Variants in ARHGAP31 observed in about 807,000 individuals in gnomAD.
ARHGAP31 encodes the protein rho GTPase-activating protein 31.
In ARHGAP31, 34 loss-of-function variants were observed where a neutral mutation model predicts 113.9. The ratio of observed to expected loss-of-function variants is 0.30; its 90% confidence interval spans 0.23 to 0.40. ARHGAP31 has a LOEUF of 0.40. ARHGAP31 is among the 10% of genes least tolerant of loss of function. The pLI is 1.00. For missense variants in ARHGAP31, 1,548 were observed against 1,767.1 expected, an observed-to-expected ratio of 0.88 and a Z score of 2.22; for synonymous variants, 650 against 684.8, an observed-to-expected ratio of 0.95 and a Z score of 0.79.
intron 1 of ARHGAP31, among the ~76,000 whole-genome samples, chr3:119,348,234 A>G (rs899642333): frequency 6.6e-6 from 1 of 152,258 alleles, no homozygotes; most frequent in African/African-American, 2.4e-5. Flanking sequence ...ACATGTAATA[A>G]CATATACATA....
chr3:119,325,151 T>C (rs925216317), intron 1 of ARHGAP31, among the ~76,000 whole-genome samples: 5 of 152,210 alleles, frequency 3.3e-5, no homozygotes, highest in Non-Finnish European at 7.4e-5. Flanking sequence ...AACTGTTGAA[T>C]CATACCTACC....
chr3:119,336,167 C>T (rs879624959), intron 1 of ARHGAP31, among the ~76,000 whole-genome samples: 3 of 152,148 alleles, frequency 2.0e-5, no homozygotes, highest in Non-Finnish European at 4.4e-5. Flanking sequence ...AAGAGTGAAA[C>T]TTGGTCTCAA....
In ARHGAP31 at chr3:119,383,233, A is replaced by T. The variant is rs772651005; in HGVS notation, c.682+7A>T. 25 of 1,613,434 alleles carry T rather than the reference A, an allele frequency of 1.5e-5. No homozygotes were observed. In the East Asian group the frequency reaches 4.5e-4, roughly 29 times the overall value. Reference sequence around the variant, plus strand: ...GGGTCTCTGGAGAATGATGGTAAGGACTCCTCCTAGCATACACTCCACCAG... The same window carrying T: ...GGGTCTCTGGAGAATGATGGTAAGGTCTCCTCCTAGCATACACTCCACCAG... On this transcript the variant is annotated splice_region_variant and intron_variant, in intron 6 of 11. Transcript: ENST00000264245.
At chr3:119,327,208 T>C (rs79252506) in intron 1 of ARHGAP31, among the ~76,000 whole-genome samples, 9,198 of 152,140 alleles carry the variant, frequency 0.06, 300 homozygotes, top group Middle Eastern at 0.071. Context: ...GGGACTCCCT[T>C]TATTTAAATA....
chr3:119,338,895 G>T (rs2079983084), intron 1 of ARHGAP31, among the ~76,000 whole-genome samples: 1 of 152,168 alleles, frequency 6.6e-6, no homozygotes, highest in African/African-American at 2.4e-5. Flanking sequence ...GTTATTTAGG[G>T]AATATTTCTT....
chr3:119,416,067 A>T lies in ARHGAP31; in HGVS notation c.4138A>T (p.Thr1380Ser). The T allele has an allele frequency of 6.2e-7, 1 of 1,614,100 alleles. No homozygotes were observed. Among genetic ancestry groups the T allele is most frequent in the Non-Finnish European group, 8.5e-7 (1 of 1,180,006 alleles). ...CCTGCTGTCCCCTATCAGAAGTCCC[A>T]CCCAGACAGTTTCCCCTGGCCTTCT... The part of the protein sequence containing the change: ...KVLLSPIRSP[T>S]QTVSPGLLCG... The change falls in exon 12 of 12, where the codon ACC (threonine) becomes TCC (serine). Residue 1380 changes from threonine to serine, a missense_variant. By Grantham distance (58) the Thr-to-Ser change is moderately conservative. Coordinates refer to ENST00000264245, the MANE Select transcript of ARHGAP31 (RefSeq NM_020754.4).
intron 1 of ARHGAP31, among the ~76,000 whole-genome samples, chr3:119,328,101 T>TA (rs943344704): frequency 3.3e-5 from 5 of 152,128 alleles, no homozygotes; most frequent in African/African-American, 1.2e-4. Flanking sequence ...AAATCAGATT[T>TA]AAAAAAAATT....
chr3:119,341,533 G>A (rs780361931), intron 1 of ARHGAP31, among the ~76,000 whole-genome samples: 8 of 152,156 alleles, frequency 5.3e-5, no homozygotes, highest in Admixed American at 4.6e-4. Flanking sequence ...TAGCTTGTAA[G>A]AAGAAAATCT....
intron 3 of ARHGAP31, among the ~76,000 whole-genome samples, chr3:119,379,260 G>A (rs2080375194): frequency 4.6e-5 from 7 of 152,158 alleles, no homozygotes; most frequent in Admixed American, 4.6e-4. Flanking sequence ...ATAAATAAGT[G>A]CATTCTTGTA....
At chr3:119,300,406 G>A (rs2079570918) in intron 1 of ARHGAP31, among the ~76,000 whole-genome samples, 1 of 152,188 alleles carries the variant, frequency 6.6e-6, no homozygotes, top group Non-Finnish European at 1.5e-5. Context: ...CAAGAAGCAA[G>A]TTGCTTGCCC....
rs1469289204 is a variant in ARHGAP31 at position 119,375,628 on chromosome 3, TAAC to T, written c.349-5268_349-5266del. Reference sequence around the variant, plus strand: ...ACTGTATTTCATTTTTATCAGAAAATAACAACAACATTTATTTTAGGAAAAATT... The same window carrying T: ...ACTGTATTTCATTTTTATCAGAAAATAACAACATTTATTTTAGGAAAAATT... On this transcript the variant is annotated intron_variant, in intron 3 of 11. Transcript: ENST00000264245. Among the ~76,000 whole-genome samples the T allele has an allele frequency of 5.3e-5, 8 of 152,294 alleles. No individual in the cohort carries two copies. The East Asian group carries it at 5.8e-4, about 11-fold the overall frequency.
At chr3:119,393,397 G>T in intron 7 of ARHGAP31, 70 bp from the exon 8 acceptor site, 1 of 1,568,420 alleles carries the variant, frequency 6.4e-7, no homozygotes, top group Non-Finnish European at 8.8e-7. Flanking sequence ...TGGAATATTT[G>T]GTCTCAATTT....
Position 119,414,588 on chromosome 3 carries a change from G to A in ARHGAP31, c.2659G>A (p.Asp887Asn). 1 of 1,614,256 alleles carries A rather than the reference G, an allele frequency of 6.2e-7. No individual in the cohort carries two copies. The highest frequency in any genetic ancestry group is 1.1e-5 in the South Asian group (1 of 91,084). ...AACCCATTCAGTACAGGAGCCTTCA[G>A]ACTGTGACGAAGATGACACTGTGAC... ...DVTHSVQEPS[D>N]CDEDDTVTDI... The change falls in exon 12 of 12, where the codon GAC (aspartate) becomes AAC (asparagine). Residue 887 changes from aspartate to asparagine, a missense_variant. By Grantham distance (23) the Asp-to-Asn change is conservative. Coordinates refer to ENST00000264245, the MANE Select transcript of ARHGAP31 (RefSeq NM_020754.4).
chr3:119,310,895 A>G (rs1368032026), intron 1 of ARHGAP31, among the ~76,000 whole-genome samples: 1 of 152,166 alleles, frequency 6.6e-6, no homozygotes, highest in Non-Finnish European at 1.5e-5. Context: ...CCAACCCTAA[A>G]TTGGAATTAA....
rs754297373 is a variant in ARHGAP31, at chr3:119,415,606, T to C, written c.3677T>C (p.Val1226Ala). 6.2e-7 allele frequency: 1 copy of C among 1,614,008 alleles called. No individual in the cohort carries two copies. Among genetic ancestry groups the C allele is most frequent in the East Asian group, 2.2e-5 (1 of 44,854 alleles). ...LPSQSSGENG[V>A]QPLERSQEGP... ...TCTCAGAGCTCAGGGGAGAATGGGG[T>C]TCAGCCTCTGGAGAGGAGCCAGGAG... The change falls in exon 12 of 12, where the codon GTT (valine) becomes GCT (alanine). Residue 1226 changes from valine to alanine, a missense_variant. By Grantham distance (64) the Val-to-Ala change is moderately conservative. Coordinates refer to ENST00000264245, the MANE Select transcript of ARHGAP31 (RefSeq NM_020754.4).
rs151115596 is a variant in ARHGAP31 at position 119,343,085 on chromosome 3, TCTC to T, written c.101-22228_101-22226del. Among the ~76,000 whole-genome samples the T allele has an allele frequency of 4.1e-3, 627 of 152,360 alleles. 3 individuals carry two copies. The highest frequency in any genetic ancestry group is 0.015 in the African/African-American group (606 of 41,572). ...ATATAAACATGTCAGAACAAATCAT[TCTC>T]CTGATTATCATTGACAGGTGAGTCT... is the stretch of plus-strand genomic sequence containing the variant. On this transcript the variant is annotated intron_variant, in intron 1 of 11. Transcript: ENST00000264245.
chr3:119,339,501 G>A (rs2079988982), intron 1 of ARHGAP31, among the ~76,000 whole-genome samples: 1 of 152,076 alleles, frequency 6.6e-6, no homozygotes, highest in Non-Finnish European at 1.5e-5. Flanking sequence ...CCAGTATTGA[G>A]GCCTAGTATA....
At chr3:119,322,855 C>G (rs1192222411) in intron 1 of ARHGAP31, 2 of 153,420 alleles carry the variant, frequency 1.3e-5, no homozygotes, top group Non-Finnish European at 2.9e-5. Context: ...GAGAGGGGCT[C>G]CCTTCAAACT....
chr3:119,329,273 G>T (rs536802047), intron 1 of ARHGAP31, among the ~76,000 whole-genome samples: 58 of 152,242 alleles, frequency 3.8e-4, no homozygotes, highest in African/African-American at 1.4e-3. Flanking sequence ...TTAGTCTCTT[G>T]AGCCACATAT....
Sources: gnomAD v4.1 joint callset for allele counts (sites outside exome capture counted in the v4.1 genomes callset) on GRCh38, gnomAD v4.1.1 for gene constraint, MANE v1.5 for transcripts, NCBI Gene and HGNC (gene_info 2026-07-23, HGNC 2026-07-21) for gene names.